GOSR2: variants seen among roughly 807,000 people sequenced by gnomAD.
GOSR2 encodes the protein 27 kDa Golgi SNARE protein.
GOSR2 carries 20 observed loss-of-function variants against 27.9 expected under a neutral mutation model. The observed-to-expected ratio is 0.72, with a 90% CI of 0.50 to 1.04. The LOEUF (loss-of-function observed/expected upper bound fraction) is 1.04. Among genes scored for constraint, GOSR2 ranks in the 50% least tolerant of loss-of-function variants. The pLI, the probability that GOSR2 is intolerant of heterozygous loss-of-function variation, is 0.00. For synonymous variants in GOSR2, 91 were observed against 98.8 expected (o/e 0.92, Z 0.47); for missense variants, 261 against 270.5 (o/e 0.97, Z 0.25).
At chr17:46,964,419 C>G (rs1362523647) in intron 6 of GOSR2, 2 of 152,296 alleles carry the variant, frequency 1.3e-5, no homozygotes, top group Non-Finnish European at 1.5e-5. Flanking sequence ...CTGCGAGCCT[C>G]TAAGAGCAGC....
At chr17:46,943,115 G>C (rs940116270), downstream of GOSR2, among the ~76,000 whole-genome samples, 4 of 152,202 alleles carry the variant, frequency 2.6e-5, no homozygotes, top group African/African-American at 9.7e-5. Context: ...GGAGCCGATG[G>C]CTCTAATACA....
In GOSR2 at chr17:46,929,596, A is replaced by T. The variant is rs369271685; in HGVS notation, c.94+12A>T. ...GCAGTCTGTGCACAGTGAGTAATTA[A>T]CTGTGGAGACCAGAGTCCTTTCTCT... On this transcript the variant is annotated intron_variant, in intron 2 of 5. Coordinates refer to ENST00000640051, the MANE Select transcript of GOSR2 (RefSeq NM_004287.5). 2 of 1,345,636 alleles carry T rather than the reference A, an allele frequency of 1.5e-6. No individual in the cohort carries two copies. Among genetic ancestry groups the T allele is most frequent in the South Asian group, 2.3e-5 (2 of 85,744 alleles). The allele number at this position is 1,345,636 out of a possible 1,614,324, so 83.4% of individuals were successfully genotyped here.
chr17:46,931,746 A>G (rs2087425530), intron 3 of GOSR2: 4 of 418,790 alleles, frequency 9.6e-6, no homozygotes, highest in Non-Finnish European at 1.3e-5. Context: ...CAGGAGAGCC[A>G]TATAATCCAT....
In GOSR2 at chr17:46,938,961, A is replaced by G. The variant is rs184197582; in HGVS notation, c.*201A>G. ...TGGAGGGGGAGCTAGTGCCACCACC[A>G]TGCGCGGTGCTTAGGAAATGAAAGA... On this transcript the variant is annotated 3_prime_UTR_variant, in exon 6 of 6. Coordinates refer to ENST00000640051, the MANE Select transcript of GOSR2 (RefSeq NM_004287.5). 28 of 1,462,910 alleles carry G rather than the reference A, an allele frequency of 1.9e-5. No individual in the cohort carries two copies. The highest frequency in any genetic ancestry group is 2.4e-5 in the Non-Finnish European group (27 of 1,103,312). The allele number at this position is 1,462,910 out of a possible 1,614,324, so 90.6% of individuals were successfully genotyped here.
Position 46,939,623 on chromosome 17 carries a change from C to T in GOSR2, c.*863C>T. The T allele has an allele frequency of 1.0e-6, 1 of 985,630 alleles. No individual in the cohort carries two copies. The highest frequency in any genetic ancestry group is 1.2e-6 in the Non-Finnish European group (1 of 830,072). 61.1% of individuals were successfully genotyped at this position (985,630 alleles called of 1,614,324 possible). A position where few individuals can be genotyped will look rare whatever the true frequency, so the allele number is the denominator to read the frequency against. ...AGTCTCAGCTCTAGTTTTAGTATCT[C>T]TAATTCTTTGGTTCCCTTCTCTTCC... On this transcript the variant is annotated 3_prime_UTR_variant, in exon 6 of 6. Transcript: ENST00000640051.
chr17:46,935,521 G>A (rs2146983293), intron 5 of GOSR2: 2 of 1,284,466 alleles, frequency 1.6e-6, no homozygotes, highest in East Asian at 3.4e-5. Context: ...AGACGTGGCT[G>A]TCCTTTGGTA....
At chr17:46,960,512 A>G (rs1234616473) in intron 6 of GOSR2, among the ~76,000 whole-genome samples, 1 of 152,230 alleles carries the variant, frequency 6.6e-6, no homozygotes, top group African/African-American at 2.4e-5. Flanking sequence ...GTATTTACCC[A>G]AGTGAAAGGA....
intron 1 of GOSR2, among the ~76,000 whole-genome samples, chr17:46,926,420 T>TA (rs1223495525): frequency 6.6e-6 from 1 of 152,180 alleles, no homozygotes; most frequent in Non-Finnish European, 1.5e-5. Flanking sequence ...GCACTTCCAT[T>TA]AAAAAATTCT....
intron 5 of GOSR2, chr17:46,935,682 CT>C: frequency 1.0e-6 from 1 of 989,906 alleles, no homozygotes; most frequent in Non-Finnish European, 1.2e-6. Flanking sequence ...GCTTCTAGAG[CT>C]TCTAAAGCCC....
downstream of GOSR2, among the ~76,000 whole-genome samples, chr17:46,967,483 T>TTGTCC (rs2091347554): frequency 6.6e-6 from 1 of 152,210 alleles, no homozygotes; most frequent in African/African-American, 2.4e-5. Flanking sequence ...AGGTTGTACT[T>TTGTCC]GAGCTTGGTC....
At chr17:46,952,916 C>T (rs2090461985) in intron 6 of GOSR2, 1 of 152,174 alleles carries the variant, frequency 6.6e-6, no homozygotes, top group Non-Finnish European at 1.5e-5. Context: ...TCTTTCCCTG[C>T]CTCTGTTCTC....
At chr17:46,958,642 C>T (rs1348255782) in intron 6 of GOSR2, among the ~76,000 whole-genome samples, 3 of 152,226 alleles carry the variant, frequency 2.0e-5, no homozygotes, top group African/African-American at 7.2e-5. Flanking sequence ...AGGGGGCCAT[C>T]AGGGCATCGC....
At chr17:46,969,327 G>A (rs1443997161), downstream of GOSR2, among the ~76,000 whole-genome samples, 6 of 152,198 alleles carry the variant, frequency 3.9e-5, no homozygotes, top group Admixed American at 1.3e-4. Context: ...ACTGAGAGCC[G>A]GGCAGGGAGG....
downstream of GOSR2, among the ~76,000 whole-genome samples, chr17:46,944,111 C>G (rs563629746): frequency 2.2e-4 from 33 of 152,182 alleles, no homozygotes; most frequent in Non-Finnish European, 4.0e-4. Flanking sequence ...GGGAAGTATT[C>G]CAACCTCCTC....
chr17:46,945,558 T>C (rs569281241), downstream of GOSR2, among the ~76,000 whole-genome samples: 1 of 152,166 alleles, frequency 6.6e-6, no homozygotes, highest in Non-Finnish European at 1.5e-5. Context: ...CAAAACAGAA[T>C]TGCATCTTTG....
At position 46,939,749 on chromosome 17, in the gene GOSR2, ACT is replaced by A. The variant is rs751298104; in HGVS notation, c.*992_*993del. The A allele has an allele frequency of 1.0e-6, 1 of 986,946 alleles. No individual in the cohort carries two copies. Among genetic ancestry groups the A allele is most frequent in the East Asian group, 1.1e-4 (1 of 8,826 alleles). 61.1% of individuals were successfully genotyped at this position (986,946 alleles called of 1,614,324 possible). A position where few individuals can be genotyped will look rare whatever the true frequency, so the allele number is the denominator to read the frequency against. On this transcript the variant is annotated 3_prime_UTR_variant, in exon 6 of 6. Transcript: ENST00000640051. ...TCTGTAGTGTGTATGTCCTTGTAAC[ACT>A]CTGTTTTCAGGGACTACAACCTTTT...
At chr17:46,953,849 G>T (rs1432708665) in intron 6 of GOSR2, among the ~76,000 whole-genome samples, 4 of 152,208 alleles carry the variant, frequency 2.6e-5, no homozygotes, top group Admixed American at 6.5e-5. Context: ...TTTGAGAAGT[G>T]TATGTTCATA....
chr17:46,947,277 C>T (rs1357237058), intron 6 of GOSR2, among the ~76,000 whole-genome samples: 2 of 152,148 alleles, frequency 1.3e-5, no homozygotes, highest in African/African-American at 4.8e-5. Context: ...TGTATGTGTG[C>T]AAGAGAGAGG....
chr17:46,936,792 A>G (rs1316505901), intron 5 of GOSR2: 6 of 983,350 alleles, frequency 6.1e-6, no homozygotes, highest in South Asian at 4.7e-5. Flanking sequence ...AAAAAAAAAT[A>G]CAAATACATT....
Sources: gnomAD v4.1 joint callset for allele counts (sites outside exome capture counted in the v4.1 genomes callset) on GRCh38, gnomAD v4.1.1 for gene constraint, MANE v1.5 for transcripts, NCBI Gene and HGNC (gene_info 2026-07-23, HGNC 2026-07-21) for gene names.